MGME1: variants seen among roughly 807,000 people sequenced by gnomAD.
MGME1 encodes the protein mitochondrial genome maintenance exonuclease 1.
Under a neutral mutation model 33.0 loss-of-function variants are expected in MGME1, and 22 were observed. That is an observed-to-expected ratio of 0.67 (90% CI 0.48 to 0.95). The LOEUF is 0.95. Ranked by LOEUF, MGME1 falls within the 40% of genes least tolerant of loss-of-function variation. The pLI, the probability that MGME1 is intolerant of heterozygous loss-of-function variation, is 0.00. For synonymous variants in MGME1, 133 were observed against 144.0 expected (o/e 0.92, Z 0.55); for missense variants, 383 against 397.8 (o/e 0.96, Z 0.32).
chr20:17,974,314 C>G (rs1302912550), intron 2 of MGME1, among the ~76,000 whole-genome samples: 1 of 152,140 alleles, frequency 6.6e-6, no homozygotes, highest in Admixed American at 6.5e-5. Flanking sequence ...ATCCGCCTGC[C>G]TTGGCTGCCC....
chr20:17,979,475 G>A (rs888284407), intron 3 of MGME1, among the ~76,000 whole-genome samples: 3 of 148,908 alleles, frequency 2.0e-5, no homozygotes, highest in South Asian at 2.1e-4. Context: ...GCAGTGGCGC[G>A]ATCTCGGCTC....
chr20:17,974,273 C>G (rs1391280514), intron 2 of MGME1, among the ~76,000 whole-genome samples: 1 of 152,060 alleles, frequency 6.6e-6, no homozygotes, highest in Non-Finnish European at 1.5e-5. Flanking sequence ...CCATGTTGGC[C>G]AGGCTGGTCT....
At chr20:17,982,115 C>T (rs191944903) in intron 3 of MGME1, among the ~76,000 whole-genome samples, 19 of 152,276 alleles carry the variant, frequency 1.2e-4, no homozygotes, top group African/African-American at 2.9e-4. Context: ...GGCAGATGCA[C>T]AGATTCATTT....
intron 2 of MGME1, among the ~76,000 whole-genome samples, chr20:17,973,190 CA>C (rs888411989): frequency 6.6e-6 from 1 of 151,812 alleles, no homozygotes; most frequent in Admixed American, 6.6e-5. Flanking sequence ...ACTAAAAATA[CA>C]AAAAAATTAG....
Position 17,990,501 on chromosome 20 carries a change from G to A in MGME1, c.*392G>A. 3.3e-6 allele frequency: 1 copy of A among 300,530 alleles called. No homozygotes were observed. The highest frequency in any genetic ancestry group is 7.4e-5 in the East Asian group (1 of 13,604). 18.6% of individuals were successfully genotyped at this position (300,530 alleles called of 1,614,324 possible). A position where few individuals can be genotyped will look rare whatever the true frequency, so the allele number is the denominator to read the frequency against. On this transcript the variant is annotated 3_prime_UTR_variant, in exon 5 of 5. Transcript: ENST00000377710. ...GGCTGAGGGTGCCAAGATTTCCCCA[G>A]GGTTCACCCAGAGGGGAAGGGGCTA...
rs530943805 is a variant in MGME1 at position 17,974,875 on chromosome 20, T to G, written c.512-809T>G. 2.0e-5 allele frequency among the ~76,000 whole-genome samples: 3 copies of G among 152,304 alleles called. No individual in the cohort carries two copies. In the South Asian group the frequency reaches 6.2e-4, roughly 32 times the overall value. On this transcript the variant is annotated intron_variant, in intron 2 of 4. Coordinates refer to ENST00000377710, the MANE Select transcript of MGME1 (RefSeq NM_052865.4). Reference sequence around the variant, plus strand: ...TCCATAATATCAAATTCATAACTTTTCATTTGCGCATGCCTTATTTTCCAT... The same window carrying G: ...TCCATAATATCAAATTCATAACTTTGCATTTGCGCATGCCTTATTTTCCAT...
At chr20:17,980,094 TG>T (rs2035970649) in intron 3 of MGME1, among the ~76,000 whole-genome samples, 1 of 152,066 alleles carries the variant, frequency 6.6e-6, no homozygotes, top group African/African-American at 2.4e-5. Flanking sequence ...GGCGAGATCT[TG>T]GCTCACTACA....
chr20:17,984,166 C>T (rs938938272), intron 3 of MGME1, among the ~76,000 whole-genome samples: 33 of 152,158 alleles, frequency 2.2e-4, no homozygotes, highest in African/African-American at 7.2e-4. Context: ...ACAAAACATT[C>T]CCCATTGTTC....
At chr20:17,989,317 C>T (rs1240909154) in intron 4 of MGME1, among the ~76,000 whole-genome samples, 3 of 151,576 alleles carry the variant, frequency 2.0e-5, no homozygotes, top group Admixed American at 1.3e-4. Flanking sequence ...ACCCAGGAGG[C>T]GGAGGTTGCG....
intron 3 of MGME1, among the ~76,000 whole-genome samples, chr20:17,979,913 G>A (rs981197319): frequency 1.3e-5 from 2 of 151,920 alleles, no homozygotes; most frequent in African/African-American, 4.8e-5. Context: ...TCTATTTTTT[G>A]TAGATGTGGG....
chr20:17,977,970 C>T (rs1453018163), intron 3 of MGME1, among the ~76,000 whole-genome samples: 1 of 152,194 alleles, frequency 6.6e-6, no homozygotes, highest in African/African-American at 2.4e-5. Context: ...TCATGTAAAC[C>T]TTGAAGCTCT....
intron 3 of MGME1, among the ~76,000 whole-genome samples, chr20:17,983,267 T>TTGTGTGTGTGTGTGTGTGTGTGTGTG (rs1555791107): frequency 6.3e-5 from 9 of 142,686 alleles, no homozygotes; most frequent in South Asian, 2.3e-4. Flanking sequence ...TAGTGTTCTA[T>TTGTGTGTGTGTGTGTGTGTGTGTGTG]TGTGTGTGTG....
intron 3 of MGME1, among the ~76,000 whole-genome samples, chr20:17,985,052 A>AAAAAAG (rs1185376221): frequency 1.3e-5 from 2 of 150,662 alleles, no homozygotes; most frequent in Admixed American, 1.3e-4. Context: ...AAAAAAAAAA[A>AAAAAAG]AAAAAGAAAA....
At chr20:17,978,659 A>G (rs900914702) in intron 3 of MGME1, among the ~76,000 whole-genome samples, 5 of 152,126 alleles carry the variant, frequency 3.3e-5, no homozygotes, top group African/African-American at 9.7e-5. Flanking sequence ...CTGACACCCA[A>G]TGCTTGTCAT....
At chr20:17,968,855 C>A, upstream of MGME1, 1 of 179,198 alleles carries the variant, frequency 5.6e-6, no homozygotes, top group South Asian at 1.0e-4. Context: ...GCAGCGAGCG[C>A]TGACGTCACC....
intron 2 of MGME1, among the ~76,000 whole-genome samples, chr20:17,972,156 G>A (rs914265535): frequency 6.6e-6 from 1 of 152,232 alleles, no homozygotes; most frequent in East Asian, 1.9e-4. Flanking sequence ...TAACGGGTCT[G>A]GAGGATACTG....
chr20:17,970,343 G>C lies in MGME1; in HGVS notation c.484G>C (p.Glu162Gln), dbSNP rs1337922567. ...WKQRMILELG[E>Q]DGFKEYTSNV... The stretch of plus-strand genomic sequence containing the variant: ...ACAGCGGATGATTCTGGAACTGGGA[G>C]AAGATGGCTTTAAAGAATACACTTC... Residue 162 changes from glutamate (E) to glutamine (Q), a missense_variant, in exon 2 of 5, where the codon GAA becomes CAA. Coordinates refer to ENST00000377710, the MANE Select transcript of MGME1 (RefSeq NM_052865.4). 2 of 1,613,536 alleles carry C rather than the reference G, an allele frequency of 1.2e-6. No individual in the cohort carries two copies. The highest frequency in any genetic ancestry group is 1.7e-6 in the Non-Finnish European group (2 of 1,179,912).
rs931132161 is a variant in MGME1, at chr20:17,972,781, A to T, written c.511+2411A>T. Reference sequence around the variant, plus strand: ...GTTTGCAGCGAGAAATGTATGGTCTATTGGCATGGCATTTGCTAAGTTTTT... The same window carrying T: ...GTTTGCAGCGAGAAATGTATGGTCTTTTGGCATGGCATTTGCTAAGTTTTT... On this transcript the variant is annotated intron_variant, in intron 2 of 4. Coordinates refer to ENST00000377710, the MANE Select transcript of MGME1 (RefSeq NM_052865.4). The T allele has an allele frequency of 5.1e-6, 5 of 985,236 alleles. No individual in the cohort carries two copies. The East Asian group carries it at 4.5e-4, about 89-fold the overall frequency. The allele number at this position is 985,236 out of a possible 1,614,324, so 61.0% of individuals were successfully genotyped here. A position where few individuals can be genotyped will look rare whatever the true frequency, so the allele number is the denominator to read the frequency against.
chr20:17,990,370 G>A lies in MGME1; in HGVS notation c.*261G>A. On this transcript the variant is annotated 3_prime_UTR_variant, in exon 5 of 5. Coordinates refer to ENST00000377710, the MANE Select transcript of MGME1 (RefSeq NM_052865.4). Reference sequence around the variant, plus strand: ...CCTGAAAGGAGGACACGCAGGATGGGCAGTCATGCTGGTGACTCTTGTACT... The same window carrying A: ...CCTGAAAGGAGGACACGCAGGATGGACAGTCATGCTGGTGACTCTTGTACT... 2.6e-6 allele frequency: 1 copy of A among 377,778 alleles called. No homozygotes were observed. The highest frequency in any genetic ancestry group is 5.0e-6 in the Non-Finnish European group (1 of 201,262). The allele number at this position is 377,778 out of a possible 1,614,324, so 23.4% of individuals were successfully genotyped here.
Sources: gnomAD v4.1 joint callset for allele counts (sites outside exome capture counted in the v4.1 genomes callset) on GRCh38, gnomAD v4.1.1 for gene constraint, MANE v1.5 for transcripts, NCBI Gene and HGNC (gene_info 2026-07-23, HGNC 2026-07-21) for gene names.